The following CRYBG3 variants were observed in gnomAD, a reference collection of about 807,000 sequenced individuals.
CRYBG3 encodes crystallin beta-gamma domain containing 3.
In CRYBG3, 127 loss-of-function variants were observed where a neutral mutation model predicts 244.2. That is an observed-to-expected ratio of 0.52 (90% CI 0.45 to 0.60). The LOEUF (loss-of-function observed/expected upper bound fraction) is 0.60. CRYBG3 is among the 20% of genes least tolerant of loss of function. The probability of loss-of-function intolerance (pLI) is 0.00; values close to 1 mark genes in which losing one functional copy is unlikely to be tolerated. For missense variants in CRYBG3, 3,325 were observed against 3,442.5 expected (o/e 0.97, Z 0.85); for synonymous variants, 1,132 against 1,195.8 (o/e 0.95, Z 1.10).
chr3:97,918,799 T>C (rs1329960957), intron 17 of CRYBG3, among the ~76,000 whole-genome samples: 1 of 152,138 alleles, frequency 6.6e-6, no homozygotes, highest in South Asian at 2.1e-4. Flanking sequence ...GCACCTCCAA[T>C]TGGGGACATG....
chr3:97,863,930 A>G (rs2039187550), intron 2 of CRYBG3, among the ~76,000 whole-genome samples: 1 of 152,018 alleles, frequency 6.6e-6, no homozygotes, highest in Admixed American at 6.6e-5. Flanking sequence ...GCATCCCCCA[A>G]GTTACCTTCT....
chr3:97,856,291 A>G (rs1207804323), intron 2 of CRYBG3, among the ~76,000 whole-genome samples: 1 of 152,154 alleles, frequency 6.6e-6, no homozygotes, highest in Non-Finnish European at 1.5e-5. Context: ...AATTGCTGTT[A>G]TCCTGTTCTT....
intron 9 of CRYBG3, among the ~76,000 whole-genome samples, chr3:97,888,701 C>T (rs967526216): frequency 2.0e-5 from 3 of 152,112 alleles, no homozygotes; most frequent in Non-Finnish European, 4.4e-5. Flanking sequence ...TTAGTCCATG[C>T]CCCTTAAAAA....
At chr3:97,913,250 C>A (rs1298684118) in intron 16 of CRYBG3, among the ~76,000 whole-genome samples, 1 of 152,152 alleles carries the variant, frequency 6.6e-6, no homozygotes, top group African/African-American at 2.4e-5. Context: ...TCTTTCTTTT[C>A]TTGACCTTAC....
chr3:97,932,837 A>T (rs569736861), intron 17 of CRYBG3, among the ~76,000 whole-genome samples: 7 of 152,076 alleles, frequency 4.6e-5, no homozygotes, highest in African/African-American at 1.4e-4. Context: ...CCCTCTGTTC[A>T]CCATCTTCTT....
At chr3:97,859,260 T>C (rs895825652) in intron 2 of CRYBG3, among the ~76,000 whole-genome samples, 5 of 152,276 alleles carry the variant, frequency 3.3e-5, no homozygotes, top group Admixed American at 1.3e-4. Flanking sequence ...AGTGTCAGGC[T>C]CCTGGCAGCC....
intron 17 of CRYBG3, chr3:97,933,245 C>A (rs2040118691): frequency 2.6e-6 from 1 of 387,336 alleles, no homozygotes; most frequent in African/African-American, 2.1e-5. Context: ...ATTCTTCCTC[C>A]TAGGAATATT....
In CRYBG3 at chr3:97,847,723, T is replaced by G. The variant is rs552444760; in HGVS notation, c.216+4462T>G. On this transcript the variant is annotated intron_variant, in intron 2 of 21. Coordinates refer to ENST00000389622, the MANE Select transcript of CRYBG3 (RefSeq NM_153605.4). ...TATTCTCCATAGCTTGGCATCTGCC[T>G]TATATGAAATCTACCACTGGTCCCA... Among the ~76,000 whole-genome samples, 4 of 152,332 alleles carry G rather than the reference T, an allele frequency of 2.6e-5. No individual in the cohort carries two copies. The South Asian group carries it at 8.3e-4, about 32-fold the overall frequency.
Position 97,871,872 on chromosome 3 carries a change from A to G in CRYBG3, c.678A>G (p.Ser226=). 1 of 1,514,614 alleles carries G rather than the reference A, an allele frequency of 6.6e-7. No homozygotes were observed. Among genetic ancestry groups the G allele is most frequent in the Non-Finnish European group, 8.8e-7 (1 of 1,140,698 alleles). The allele number at this position is 1,514,614 out of a possible 1,614,324, so 93.8% of individuals were successfully genotyped here. The change falls in exon 4 of 22, where the codon TCA becomes TCG. Residue 226 remains serine (S), a synonymous_variant. Coordinates refer to ENST00000389622, the MANE Select transcript of CRYBG3 (RefSeq NM_153605.4). ...TCGATGGTAAACCAGAGAAGCCTTC[A>G]GTAACATATGCAACATATCGAGGCC... ...KQIDGKPEKP[S]VTYATYRGPR...
intron 1 of CRYBG3, among the ~76,000 whole-genome samples, chr3:97,841,232 G>T (rs557879872): frequency 6.7e-6 from 1 of 149,416 alleles, no homozygotes. Context: ...ATGTATATAT[G>T]TGTGTATATA....
intron 9 of CRYBG3, 146 bp from the exon 10 acceptor site, chr3:97,889,209 T>G: frequency 1.5e-6 from 1 of 672,778 alleles, no homozygotes; most frequent in Non-Finnish European, 2.5e-6. Flanking sequence ...GCTTAAAGTT[T>G]AAAATTTAGC....
At chr3:97,856,149 G>T (rs2039060877) in intron 2 of CRYBG3, among the ~76,000 whole-genome samples, 1 of 151,992 alleles carries the variant, frequency 6.6e-6, no homozygotes, top group South Asian at 2.1e-4. Context: ...TCTTTACCAG[G>T]GATGTTCCTT....
Position 97,871,825 on chromosome 3 carries a change from A to G in CRYBG3, c.648-17A>G, listed in dbSNP as rs1286880981. On this transcript the variant is annotated splice_polypyrimidine_tract_variant and intron_variant, in intron 3 of 21. Coordinates refer to ENST00000389622, the MANE Select transcript of CRYBG3 (RefSeq NM_153605.4). Reference sequence around the variant, plus strand: ...ATTAATTATATTTCCTGATACTCTCATGCTTTCTTTTTACAGACAAATCGA... The same window carrying G: ...ATTAATTATATTTCCTGATACTCTCGTGCTTTCTTTTTACAGACAAATCGA... The G allele has an allele frequency of 1.4e-6, 2 of 1,461,774 alleles. No individual in the cohort carries two copies. Among genetic ancestry groups the G allele is most frequent in the East Asian group, 2.5e-5 (1 of 40,560 alleles). 90.6% of individuals were successfully genotyped at this position (1,461,774 alleles called of 1,614,324 possible).
intron 2 of CRYBG3, among the ~76,000 whole-genome samples, chr3:97,857,402 C>T (rs2039081324): frequency 6.6e-6 from 1 of 150,792 alleles, no homozygotes; most frequent in Non-Finnish European, 1.5e-5. Context: ...GAAATTTAAT[C>T]CGCGATTTCC....
At chr3:97,871,740 G>A in intron 3 of CRYBG3, 102 bp from the exon 4 acceptor site, 2 of 754,920 alleles carry the variant, frequency 2.6e-6, no homozygotes, top group South Asian at 2.4e-5. Flanking sequence ...TACATATTAA[G>A]GGAAGTGGTG....
intron 15 of CRYBG3, among the ~76,000 whole-genome samples, chr3:97,901,662 AAG>A (rs1471435188): frequency 2.6e-5 from 4 of 152,222 alleles, no homozygotes; most frequent in African/African-American, 9.6e-5. Context: ...AGATAGAAGA[AAG>A]AGAAGTTATT....
Position 97,870,297 on chromosome 3 carries a change from C to T in CRYBG3, c.648-1545C>T, listed in dbSNP as rs1405188685. 2.6e-5 allele frequency among the ~76,000 whole-genome samples: 4 copies of T among 152,100 alleles called. No homozygotes were observed. The East Asian group carries it at 7.7e-4, about 29-fold the overall frequency. ...ATTTTAGTCCTCACCCTCTTCCCAT[C>T]CTCCCCACTCAATTAGGCCCCAGTG... is the stretch of plus-strand genomic sequence containing the variant. On this transcript the variant is annotated intron_variant, in intron 3 of 21. Transcript: ENST00000389622.
intron 15 of CRYBG3, among the ~76,000 whole-genome samples, chr3:97,907,831 G>T (rs545828031): frequency 6.6e-6 from 1 of 150,676 alleles, no homozygotes; most frequent in Non-Finnish European, 1.5e-5. Context: ...TCTTTTAATT[G>T]TGATGTTAGG....
intron 15 of CRYBG3, among the ~76,000 whole-genome samples, chr3:97,909,174 C>G (rs1339136070): frequency 4.0e-5 from 6 of 150,760 alleles, no homozygotes; most frequent in Non-Finnish European, 7.4e-5. Flanking sequence ...TCTGGCTGCC[C>G]TTAACATTTT....
Sources: allele counts gnomAD v4.1 joint callset (sites outside exome capture counted in the v4.1 genomes callset), GRCh38; gene constraint gnomAD v4.1.1; transcripts MANE v1.5; gene names NCBI Gene and HGNC (gene_info 2026-07-23, HGNC 2026-07-21).